Variants in ASTN2 observed in about 807,000 individuals in gnomAD.
The protein encoded by ASTN2 is astrotactin-2.
A neutral mutation model predicts 139.8 loss-of-function variants in ASTN2; 54 were observed. The observed-to-expected ratio is 0.39, with a 90% CI of 0.31 to 0.48. The LOEUF (loss-of-function observed/expected upper bound fraction) is 0.48, where lower values mean the gene tolerates loss of function less well. Among genes scored for constraint, ASTN2 ranks in the 20% least tolerant of loss-of-function variants. The pLI, the probability that ASTN2 is intolerant of heterozygous loss-of-function variation, is 0.95. For synonymous variants in ASTN2, 756 were observed against 719.5 expected, an observed-to-expected ratio of 1.05 and a Z score of -0.81; for missense variants, 1,565 against 1,725.1, an observed-to-expected ratio of 0.91 and a Z score of 1.64.
At chr9:116,713,995 A>T (rs2132100192) in intron 16 of ASTN2, among the ~76,000 whole-genome samples, 1 of 152,294 alleles carries the variant, frequency 6.6e-6, no homozygotes, top group South Asian at 2.1e-4. Context: ...AATAATTTGG[A>T]CCTCACAGGG....
Position 116,931,657 on chromosome 9 carries a change from T to C in ASTN2, c.1889+43551A>G, listed in dbSNP as rs115475822. On this transcript the variant is annotated intron_variant, in intron 10 of 22. Transcript: ENST00000313400. ...GTCTTAGGAGCTAAGATATCATAGG[T>C]GTCAAAGCAGGCAGGATCTCTGCCC... Among the ~76,000 whole-genome samples the C allele has an allele frequency of 5.5e-3, 839 of 152,258 alleles. 4 individuals are homozygous for C. Among genetic ancestry groups the C allele is most frequent in the Middle Eastern group, 0.02 (6 of 294 alleles).
intron 1 of ASTN2, among the ~76,000 whole-genome samples, chr9:117,310,032 G>A (rs1827925620): frequency 6.6e-6 from 1 of 152,148 alleles, no homozygotes; most frequent in East Asian, 1.9e-4. Flanking sequence ...CTCTGGAATG[G>A]GGTAAATAAT....
In ASTN2 at chr9:116,699,128, G is replaced by A. The variant is rs762905941; in HGVS notation, c.2806+26643C>T. ...TATATACCTTGGATGGCCACTGCGT[G>A]GCCTGTCACAGGAGCCAGCTGAGCA... On this transcript the variant is annotated intron_variant, in intron 16 of 22. Coordinates refer to ENST00000313400, the MANE Select transcript of ASTN2 (RefSeq NM_001365068.1). This position sits in a 1 kb window ranked among gnomAD's most constrained non-coding sequence, Gnocchi z 4.2. 6.8e-6 allele frequency: 11 copies of A among 1,614,072 alleles called. No homozygotes were observed. The highest frequency in any genetic ancestry group is 9.3e-6 in the Non-Finnish European group (11 of 1,180,028).
chr9:116,835,262 C>A (rs1831947808), intron 11 of ASTN2, among the ~76,000 whole-genome samples: 1 of 151,996 alleles, frequency 6.6e-6, no homozygotes, highest in Non-Finnish European at 1.5e-5. Flanking sequence ...TTTATTTAAT[C>A]CTATACATTG....
intron 6 of ASTN2, among the ~76,000 whole-genome samples, chr9:117,037,167 A>C (rs1395738246): frequency 6.6e-6 from 1 of 152,036 alleles, no homozygotes; most frequent in African/African-American, 2.4e-5. Flanking sequence ...TCCTGCCCTC[A>C]CAGAGATTCC....
intron 16 of ASTN2, among the ~76,000 whole-genome samples, chr9:116,675,419 C>T (rs1859445125): frequency 6.6e-6 from 1 of 152,046 alleles, no homozygotes; most frequent in Non-Finnish European, 1.5e-5. Flanking sequence ...TATAGCTCCA[C>T]CATGGTGTGT....
chr9:116,871,375 A>G (rs12342988), intron 10 of ASTN2, among the ~76,000 whole-genome samples: 28,320 of 152,190 alleles, frequency 0.19, 2,906 homozygotes, highest in South Asian at 0.23. Flanking sequence ...TTTAAAGTGT[A>G]CAGTTTAAGC....
At chr9:116,848,557 C>T (rs909712353) in intron 11 of ASTN2, among the ~76,000 whole-genome samples, 3 of 152,172 alleles carry the variant, frequency 2.0e-5, no homozygotes, top group African/African-American at 7.2e-5. Flanking sequence ...GTCACACGGC[C>T]AGTAAGTGGT....
At chr9:117,218,347 G>A (rs1832401572) in intron 2 of ASTN2, among the ~76,000 whole-genome samples, 1 of 152,182 alleles carries the variant, frequency 6.6e-6, no homozygotes, top group South Asian at 2.1e-4. Flanking sequence ...AGCCTGCCCT[G>A]AACTCAGCTT....
intron 1 of ASTN2, among the ~76,000 whole-genome samples, chr9:117,323,621 C>T (rs117016445): frequency 0.011 from 1,665 of 152,202 alleles, 17 homozygotes; most frequent in South Asian, 0.053. Flanking sequence ...GAGGTGGGGG[C>T]ATGGAAGAGG....
At position 117,251,000 on chromosome 9, in the gene ASTN2, C is replaced by T. The variant is rs537996145; in HGVS notation, c.631-36258G>A. Reference sequence around the variant, plus strand: ...TGCAAGTAGTTCAGAAGGGCTGAAGCAGGGAGGGCGTGGCCACAGGTGAGG... The same window carrying T: ...TGCAAGTAGTTCAGAAGGGCTGAAGTAGGGAGGGCGTGGCCACAGGTGAGG... On this transcript the variant is annotated intron_variant, in intron 2 of 22. Transcript: ENST00000313400. Among the ~76,000 whole-genome samples the T allele has an allele frequency of 9.9e-5, 15 of 152,148 alleles. 1 individual carries two copies. Among genetic ancestry groups the T allele is most frequent in the Non-Finnish European group, 1.9e-4 (13 of 68,022 alleles).
intron 19 of ASTN2, among the ~76,000 whole-genome samples, chr9:116,497,203 T>C (rs1849695907): frequency 6.6e-6 from 1 of 152,162 alleles, no homozygotes; most frequent in Admixed American, 6.5e-5. Context: ...GAAATAGCCA[T>C]GGGCCAAGAG....
intron 5 of ASTN2, among the ~76,000 whole-genome samples, chr9:117,092,304 C>T (rs1454986587): frequency 6.6e-6 from 1 of 152,074 alleles, no homozygotes; most frequent in Non-Finnish European, 1.5e-5. Flanking sequence ...ACAGTCTGAA[C>T]TGCAGTGCAG....
chr9:117,289,904 G>C (rs949632817), intron 2 of ASTN2, among the ~76,000 whole-genome samples: 3 of 152,208 alleles, frequency 2.0e-5, no homozygotes, highest in Admixed American at 1.3e-4. Flanking sequence ...ATTGCTGTCT[G>C]GCTGGGGAGT....
intron 2 of ASTN2, among the ~76,000 whole-genome samples, chr9:117,253,255 T>TC (rs1833587742): frequency 6.6e-6 from 1 of 152,150 alleles, no homozygotes; most frequent in African/African-American, 2.4e-5. Context: ...TACAGTGATC[T>TC]CCCAGATCTG....
chr9:116,541,006 GA>G (rs936585589), intron 19 of ASTN2, among the ~76,000 whole-genome samples: 17 of 142,736 alleles, frequency 1.2e-4, no homozygotes, highest in South Asian at 2.2e-4. Context: ...CACATCTAAT[GA>G]AAAAAAAAAG....
chr9:117,141,262 T>A, intron 4 of ASTN2, 64 bp downstream of exon 4: 1 of 1,339,822 alleles, frequency 7.5e-7, no homozygotes, highest in Non-Finnish European at 9.9e-7. Context: ...CAGATCTCCC[T>A]AGCATCTTTG....
At chr9:117,111,303 A>C (rs538862318) in intron 4 of ASTN2, among the ~76,000 whole-genome samples, 23 of 152,312 alleles carry the variant, frequency 1.5e-4, no homozygotes, top group Non-Finnish European at 2.6e-4. Flanking sequence ...CTTTAACAGC[A>C]ATAGCTGTGA....
chr9:116,528,111 G>T (rs578086197), intron 19 of ASTN2, among the ~76,000 whole-genome samples: 1 of 152,168 alleles, frequency 6.6e-6, no homozygotes, highest in African/African-American at 2.4e-5. Context: ...CAGTTTTGAG[G>T]GCTCAGAAGA....
Sources: gnomAD v4.1 joint callset for allele counts (sites outside exome capture counted in the v4.1 genomes callset) on GRCh38, gnomAD v4.1.1 for gene constraint, Gnocchi (gnomAD v3.1) non-coding constraint, MANE v1.5 for transcripts, NCBI Gene and HGNC (gene_info 2026-07-23, HGNC 2026-07-21) for gene names.